The following GNAT2 variants were observed in gnomAD, a reference collection of about 807,000 sequenced individuals.
GNAT2 encodes guanine nucleotide-binding protein G(t) subunit alpha-2.
GNAT2 carries 32 observed loss-of-function variants against 40.9 expected under a neutral mutation model. The ratio of observed to expected loss-of-function variants is 0.78; its 90% CI spans 0.59 to 1.05. The LOEUF is 1.05. GNAT2 is among the 50% of genes least tolerant of loss of function. The pLI is 0.00. For missense variants in GNAT2, 355 were observed against 431.5 expected (o/e 0.82, Z 1.57); for synonymous variants, 141 against 157.2 (o/e 0.90, Z 0.77).
At position 109,606,188 on chromosome 1, in the gene GNAT2, AGGG is replaced by A. The variant is rs1210351655; in HGVS notation, c.591-92_591-90del. 4.5e-6 allele frequency: 7 copies of A among 1,567,956 alleles called. No individual in the cohort carries two copies. The East Asian group carries it at 1.6e-4, about 35-fold the overall frequency. On this transcript the variant is annotated intron_variant, in intron 6 of 8. Transcript: ENST00000679935. ...TCACCCCGTGAAGTGGGAGAGGAAA[AGGG>A]GGAGAAGCAGAACAGTAATTTAGAT...
chr1:109,607,875 C>A (rs1649660652), intron 5 of GNAT2: 1 of 158,186 alleles, frequency 6.3e-6, no homozygotes, highest in Non-Finnish European at 1.4e-5. Context: ...ACACAGTACA[C>A]CTAGCAGTGA....
intron 1 of GNAT2, chr1:109,615,104 A>C (rs979335098): frequency 1.3e-5 from 2 of 152,258 alleles, no homozygotes; most frequent in African/African-American, 4.8e-5. Flanking sequence ...TATTATAATT[A>C]ATAACTGCTG....
chr1:109,609,447 A>G (rs116586116), intron 4 of GNAT2: 1,887 of 181,562 alleles, frequency 0.01, 14 homozygotes, highest in Non-Finnish European at 0.015. Flanking sequence ...AGCCTAGACA[A>G]GATGGCAAGA....
Position 109,612,937 on chromosome 1 carries a change from G to A in GNAT2, c.-53-14C>T. The A allele has an allele frequency of 9.3e-7, 1 of 1,070,532 alleles. No homozygotes were observed. Among genetic ancestry groups the A allele is most frequent in the African/African-American group, 1.5e-5 (1 of 64,706 alleles). 66.3% of individuals were successfully genotyped at this position (1,070,532 alleles called of 1,614,324 possible). A position where few individuals can be genotyped will look rare whatever the true frequency, so the allele number is the denominator to read the frequency against. ...TCGTAAGGTTTCCTGTATGTGAGAT[G>A]GAAGAGAAGGAAAAAAGTTGGGATT... On this transcript the variant is annotated splice_polypyrimidine_tract_variant and intron_variant, in intron 1 of 8. Transcript: ENST00000679935.
At chr1:109,610,570 G>T in intron 2 of GNAT2, 63 bp from the exon 3 acceptor site, 1 of 1,427,368 alleles carries the variant, frequency 7.0e-7, no homozygotes, top group Non-Finnish European at 9.9e-7. Context: ...CCAGGAGATG[G>T]CCTGGGAGAA....
chr1:109,612,651 C>T lies in GNAT2; in HGVS notation c.118+102G>A, dbSNP rs1649832079. 1.0e-5 allele frequency: 8 copies of T among 794,152 alleles called. No individual in the cohort carries two copies. The East Asian group carries it at 2.0e-4, about 19-fold the overall frequency. The allele number at this position is 794,152 out of a possible 1,614,324, so 49.2% of individuals were successfully genotyped here. A position where few individuals can be genotyped will look rare whatever the true frequency, so the allele number is the denominator to read the frequency against. The stretch of plus-strand genomic sequence containing the variant: ...CTGTGTAGAGGAGAGGAAAAATGAC[C>T]TGCCACCCTTCCTTCCCATGGGGTG... On this transcript the variant is annotated intron_variant, in intron 2 of 8. Coordinates refer to ENST00000679935, the MANE Select transcript of GNAT2 (RefSeq NM_001377295.2).
chr1:109,605,814 T>G, intron 7 of GNAT2, 156 bp downstream of exon 7: 1 of 716,240 alleles, frequency 1.4e-6, no homozygotes, highest in Non-Finnish European at 2.5e-6. Flanking sequence ...AAGAAGTTGT[T>G]TTTTAGAATT....
At chr1:109,613,699 GT>G (rs1649867819) in intron 1 of GNAT2, 1 of 152,348 alleles carries the variant, frequency 6.6e-6, no homozygotes, top group African/African-American at 2.4e-5. Flanking sequence ...GGATCAAAAG[GT>G]TTGGTGAATG....
chr1:109,606,312 A>G lies in GNAT2; in HGVS notation c.586T>C (p.Phe196Leu). The G allele has an allele frequency of 6.2e-7, 1 of 1,613,948 alleles. No individual in the cohort carries two copies. Among genetic ancestry groups the G allele is most frequent in the Non-Finnish European group, 8.5e-7 (1 of 1,179,866 alleles). Reference protein sequence around the residue: ...ETKFSVKDLNFRMFDVGGQRS... With the variant: ...ETKFSVKDLNLRMFDVGGQRS... ...CCTAGGGAACCATGCACTTACCTGAAATTCAAGTCTTTGACGGAAAACTTG... is the reference window on the plus strand; with the variant it reads ...CCTAGGGAACCATGCACTTACCTGAGATTCAAGTCTTTGACGGAAAACTTG... The change falls in exon 6 of 9, where the codon TTC (phenylalanine) becomes CTC (leucine). Residue 196 changes from phenylalanine (F) to leucine (L), a missense_variant. Coordinates refer to ENST00000679935, the MANE Select transcript of GNAT2 (RefSeq NM_001377295.2).
chr1:109,618,548 A>G (rs774142008), intron 1 of GNAT2, among the ~76,000 whole-genome samples: 13 of 152,254 alleles, frequency 8.5e-5, no homozygotes, highest in Non-Finnish European at 1.5e-4. Context: ...ATATTACCAG[A>G]TGGCTTTCAG....
At position 109,603,271 on chromosome 1, in the gene GNAT2, G is replaced by A. The variant is rs1451028566; in HGVS notation, c.*83C>T. 4 of 760,740 alleles carry A rather than the reference G, an allele frequency of 5.3e-6. No homozygotes were observed. The African/African-American group carries it at 6.9e-5, about 13-fold the overall frequency. The allele number at this position is 760,740 out of a possible 1,614,324, so 47.1% of individuals were successfully genotyped here. ...AGAATGGATTCATTCTTCATGTCAT[G>A]GTATATTGACTATAATTTTCTGTTT... On this transcript the variant is annotated 3_prime_UTR_variant, in exon 9 of 9. Coordinates refer to ENST00000679935, the MANE Select transcript of GNAT2 (RefSeq NM_001377295.2).
At chr1:109,615,443 C>T (rs2101132956) in intron 1 of GNAT2, 1 of 152,186 alleles carries the variant, frequency 6.6e-6, no homozygotes, top group Non-Finnish European at 1.5e-5. Flanking sequence ...ACAGCCTGGT[C>T]AACATGGTGA....
intron 7 of GNAT2, chr1:109,604,343 C>T (rs1649529055): frequency 1.9e-6 from 1 of 537,540 alleles, no homozygotes; most frequent in African/African-American, 1.9e-5. Context: ...GTCTGTTTTC[C>T]TATCTTATAG....
Position 109,610,500 on chromosome 1 carries a change from C to T in GNAT2, c.126G>A (p.Gly42=), listed in dbSNP as rs1295583833. 1.3e-5 allele frequency: 21 copies of T among 1,613,686 alleles called. No homozygotes were observed. The highest frequency in any genetic ancestry group is 1.8e-5 in the Non-Finnish European group (21 of 1,179,666). ...TGACGATGGTGCTCTTTCCTGACTC[C>T]CCAGCACCTGGAAGGAAAAATGCTT... ...KTVKLLLLGA[G]ESGKSTIVKQ... is the part of the protein sequence containing the mutation. Residue 42 remains glycine (G), a synonymous_variant, in exon 3 of 9, where the codon GGG becomes GGA. Transcript: ENST00000679935.
intron 2 of GNAT2, 158 bp downstream of exon 2, chr1:109,612,590 TAACTC>T (rs1217852189): frequency 4.4e-6 from 3 of 685,430 alleles, no homozygotes; most frequent in Non-Finnish European, 8.0e-6. Flanking sequence ...GGCCCCATAT[TAACTC>T]AGCTCTAGAT....
intron 1 of GNAT2, chr1:109,613,710 GA>G (rs1649867906): frequency 6.6e-6 from 1 of 152,352 alleles, no homozygotes; most frequent in Non-Finnish European, 1.5e-5. Flanking sequence ...TTTGGTGAAT[GA>G]ATAAATGCAG....
chr1:109,605,345 A>G (rs984948115), intron 7 of GNAT2: 1 of 155,238 alleles, frequency 6.4e-6, no homozygotes, highest in African/African-American at 2.4e-5. Flanking sequence ...ACCTTTCCCA[A>G]ATTCAGAAAC....
chr1:109,610,247 T>TG (rs1649755807), intron 3 of GNAT2, 66 bp from the exon 4 acceptor site: 2 of 1,537,094 alleles, frequency 1.3e-6, no homozygotes, highest in Non-Finnish European at 1.8e-6. Flanking sequence ...ATTAGGAATT[T>TG]GGGGGTATTT....
In GNAT2 at chr1:109,607,474, AGGC is replaced by A. The variant is rs1570563470; in HGVS notation, c.462-1041_462-1039del. On this transcript the variant is annotated intron_variant, in intron 5 of 8. Coordinates refer to ENST00000679935, the MANE Select transcript of GNAT2 (RefSeq NM_001377295.2). ...TCCAAAAAAAAAAAAGGCAAGAGGA[AGGC>A]AGATGTGAACTGAGATGACTGAGAG... 7 of 151,690 alleles carry A rather than the reference AGGC, an allele frequency of 4.6e-5. No individual in the cohort carries two copies. The East Asian group carries it at 1.4e-3, about 30-fold the overall frequency. The allele number at this position is 151,690 out of a possible 1,614,324, so 9.4% of individuals were successfully genotyped here.
Sources: gnomAD v4.1 joint callset for allele counts (sites outside exome capture counted in the v4.1 genomes callset) on GRCh38, gnomAD v4.1.1 for gene constraint, MANE v1.5 for transcripts, NCBI Gene and HGNC (gene_info 2026-07-23, HGNC 2026-07-21) for gene names.